The following WDR90 variants were observed in gnomAD, a reference collection of about 807,000 sequenced individuals.
WDR90 encodes the protein WD repeat domain 90, also known as WD repeat-containing protein 90.
In WDR90, 238 loss-of-function variants were observed where a neutral mutation model predicts 195.2. That is an observed-to-expected ratio of 1.22 (90% CI 1.10 to 1.36). WDR90 has a LOEUF of 1.36. Ranked by LOEUF, WDR90 falls within the 40% of genes most tolerant of loss-of-function variation. The pLI, the probability that WDR90 is intolerant of heterozygous loss-of-function variation, is 0.00. For synonymous variants in WDR90, 1,265 were observed against 1,052.4 expected, an observed-to-expected ratio of 1.20 and a Z score of -3.91; for missense variants, 2,734 against 2,439.5, an observed-to-expected ratio of 1.12 and a Z score of -2.54.
chr16:656,120 C>A, intron 17 of WDR90, 182 bp from the exon 18 acceptor site: 1 of 763,214 alleles, frequency 1.3e-6, no homozygotes, highest in Non-Finnish European at 2.1e-6. Context: ...TGAAGCCCCT[C>A]AGCCTGGGTC....
intron 34 of WDR90, chr16:665,325 C>A (rs78998808): frequency 8.6e-6 from 2 of 231,522 alleles, no homozygotes; most frequent in East Asian, 6.1e-4. Flanking sequence ...CCTCAGTCTG[C>A]AGCCTGCTAG....
intron 34 of WDR90, chr16:665,172 G>A (rs1436542088): frequency 1.2e-5 from 3 of 255,474 alleles, no homozygotes; most frequent in Non-Finnish European, 1.6e-5. Context: ...GCGTGCAGCG[G>A]TTTTGGGAGG....
chr16:650,876 G>C (rs975194122), intron 5 of WDR90, 119 bp from the exon 6 acceptor site: 1 of 1,485,036 alleles, frequency 6.7e-7, no homozygotes. Flanking sequence ...ACCCATCCCA[G>C]AGGCAGCCCT....
At position 661,341 on chromosome 16, in the gene WDR90, G is replaced by T; in HGVS notation, c.3514-1G>T. 6.3e-7 allele frequency: 1 copy of T among 1,594,234 alleles called. No individual in the cohort carries two copies. The highest frequency in any genetic ancestry group is 8.5e-7 in the Non-Finnish European group (1 of 1,170,522). On this transcript the variant is annotated splice_acceptor_variant, in intron 29 of 40. Coordinates refer to ENST00000293879, the MANE Select transcript of WDR90 (RefSeq NM_145294.5). LOFTEE classifies it high-confidence loss of function. ...CTCACGCCTGGCCTCTTGCCTGCCA[G>T]GTCCTGGCCTCTGCCTCGGGCCGAA...
chr16:658,648 CCCCAGGTGTG>C lies in WDR90; in HGVS notation c.2891_2895+5del. On this transcript the variant is annotated splice_donor_variant and splice_donor_5th_base_variant and coding_sequence_variant and intron_variant, in exon 23 of 41. Transcript: ENST00000293879. LOFTEE classifies it high-confidence loss of function. ...CTACGCCACACAGGCCAGCCCAGGC[CCCCAGGTGTG>C]TGCGTGGGGAGGCAGGTGGCTTTGG... The C allele has an allele frequency of 6.2e-7, 1 of 1,608,086 alleles. No homozygotes were observed. The highest frequency in any genetic ancestry group is 8.5e-7 in the Non-Finnish European group (1 of 1,176,432).
intron 28 of WDR90, 105 bp from the exon 29 acceptor site, chr16:660,942 GCCCC>G (rs2037885170): frequency 3.1e-6 from 1 of 318,492 alleles, no homozygotes. Flanking sequence ...CCTTGGCCCC[GCCCC>G]ACGGCTCGGC....
intron 34 of WDR90, 135 bp from the exon 35 acceptor site, chr16:665,544 T>G: frequency 1.4e-6 from 2 of 1,409,248 alleles, no homozygotes; most frequent in Non-Finnish European, 2.0e-6. Flanking sequence ...CTTTCCGCCA[T>G]GTGGAGTTGG....
At chr16:657,950 G>C in intron 21 of WDR90, 58 bp downstream of exon 21, 1 of 1,492,768 alleles carries the variant, frequency 6.7e-7, no homozygotes, top group South Asian at 1.3e-5. Context: ...CTGGCTGCAG[G>C]GGCAGGAGGG....
chr16:664,491 G>T (rs896188264), intron 34 of WDR90, among the ~76,000 whole-genome samples: 3 of 152,188 alleles, frequency 2.0e-5, no homozygotes, highest in Non-Finnish European at 4.4e-5. Context: ...ACCTGAGCCC[G>T]TGGTCACTGG....
Position 651,554 on chromosome 16 carries a change from C to T in WDR90, c.737-90C>T. On this transcript the variant is annotated intron_variant, in intron 7 of 40. Transcript: ENST00000293879. ...GTCCTGCAGAGCCGGTGAGGCTGGG[C>T]CACTTGCTGCTGCCCTCCCCAGGCG... The T allele has an allele frequency of 8.4e-6, 11 of 1,302,586 alleles. No homozygotes were observed. In the South Asian group the frequency reaches 1.3e-4, roughly 15 times the overall value. The allele number at this position is 1,302,586 out of a possible 1,614,324, so 80.7% of individuals were successfully genotyped here. A position where few individuals can be genotyped will look rare whatever the true frequency, so the allele number is the denominator to read the frequency against.
chr16:665,938 G>A lies in WDR90; in HGVS notation c.4435-12G>A, dbSNP rs2038016784. The stretch of plus-strand genomic sequence containing the variant: ...CTGTGAGTGCTGAAGTTTCCCCACT[G>A]TGGGTCCCCAGAGCTGCCTCTGCCT... On this transcript the variant is annotated splice_polypyrimidine_tract_variant and intron_variant, in intron 35 of 40. Coordinates refer to ENST00000293879, the MANE Select transcript of WDR90 (RefSeq NM_145294.5). 3 of 1,576,518 alleles carry A rather than the reference G, an allele frequency of 1.9e-6. No individual in the cohort carries two copies. Among genetic ancestry groups the A allele is most frequent in the South Asian group, 1.1e-5 (1 of 87,994 alleles).
Position 665,607 on chromosome 16 carries a change from A to G in WDR90, c.4312-72A>G, listed in dbSNP as rs752083049. The stretch of plus-strand genomic sequence containing the variant: ...TGGACAGCCCGGCCCTGGGGGCTGG[A>G]ATAGGAAATGCCTGCGTCCCTTTAC... On this transcript the variant is annotated intron_variant, in intron 34 of 40. Coordinates refer to ENST00000293879, the MANE Select transcript of WDR90 (RefSeq NM_145294.5). 2.5e-6 allele frequency: 4 copies of G among 1,608,062 alleles called. No individual in the cohort carries two copies. In the African/African-American group the frequency reaches 5.3e-5, roughly 21 times the overall value.
At chr16:657,741 C>T (rs746274779) in intron 20 of WDR90, 21 bp from the exon 21 acceptor site, 89 of 1,537,904 alleles carry the variant, frequency 5.8e-5, no homozygotes, top group East Asian at 2.5e-5. Flanking sequence ...CCCAGCTGAC[C>T]CCTGCCCCGT....
intron 20 of WDR90, 63 bp from the exon 21 acceptor site, chr16:657,699 G>A (rs2037789909): frequency 8.8e-6 from 13 of 1,469,164 alleles, no homozygotes; most frequent in Middle Eastern, 4.7e-4. Flanking sequence ...GGCCTCCTCG[G>A]GCCCTGGCCA....
intron 30 of WDR90, 21 bp downstream of exon 30, chr16:661,522 A>G (rs2037913319): frequency 6.3e-7 from 1 of 1,579,806 alleles, no homozygotes; most frequent in Admixed American, 1.7e-5. Context: ...GGGAGGGTGG[A>G]GGCCAGGGGC....
At position 661,951 on chromosome 16, in the gene WDR90, G is replaced by A. The variant is rs1279147464; in HGVS notation, c.3925G>A (p.Gly1309Arg). 6.2e-6 allele frequency: 10 copies of A among 1,607,856 alleles called. No homozygotes were observed. Among genetic ancestry groups the A allele is most frequent in the South Asian group, 2.2e-5 (2 of 91,088 alleles). ...TGGAGAGCTGACCTCGCTCTGCTAC[G>A]GGGCACCTCCCCTGCTCTATTGTGG... is the stretch of plus-strand genomic sequence containing the variant. ...GAGELTSLCY[G>R]APPLLYCGTS... Residue 1309 changes from glycine (G) to arginine (R), a missense_variant, in exon 32 of 41, where the codon GGG (glycine) becomes AGG (arginine). Coordinates refer to ENST00000293879, the MANE Select transcript of WDR90 (RefSeq NM_145294.5).
In WDR90 at chr16:665,683, A is replaced by C; in HGVS notation, c.4316A>C (p.Asn1439Thr). Residue 1439 changes from asparagine (N) to threonine (T), a missense_variant, in exon 35 of 41, where the codon AAC becomes ACC. Transcript: ENST00000293879. Reference sequence around the variant, plus strand: ...CCTAGCTACGGCTTCCCCCAGGTGAACGAGGTGGTCTTCAGCCCCGGGGAG... The same window carrying C: ...CCTAGCTACGGCTTCCCCCAGGTGACCGAGGTGGTCTTCAGCCCCGGGGAG... ...RLISGHRSKV[N>T]EVVFSPGESH... 6.2e-7 allele frequency: 1 copy of C among 1,612,662 alleles called. No homozygotes were observed. Among genetic ancestry groups the C allele is most frequent in the African/African-American group, 1.3e-5 (1 of 75,080 alleles).
chr16:649,837 G>A lies in WDR90; in HGVS notation c.85G>A (p.Asp29Asn), dbSNP rs959183136. 5 of 1,582,618 alleles carry A rather than the reference G, an allele frequency of 3.2e-6. No individual in the cohort carries two copies. The highest frequency in any genetic ancestry group is 1.1e-5 in the South Asian group (1 of 87,944). Residue 29 changes from aspartate (D) to asparagine (N), a missense_variant, in exon 2 of 41, where the codon GAC becomes AAC. Asp to Asn is a conservative substitution (Grantham distance 23). Coordinates refer to ENST00000293879, the MANE Select transcript of WDR90 (RefSeq NM_145294.5). ...DEWKRSAKQGDVAVVTDKTLK... is the reference protein window; with the variant it reads ...DEWKRSAKQGNVAVVTDKTLK... ...GTGGAAGCGCTCCGCCAAGCAGGGG[G>A]ACGTGGCCGTGGTCACGGTAGGCGG...
chr16:664,007 G>C (rs746696195), intron 34 of WDR90, among the ~76,000 whole-genome samples: 12 of 152,210 alleles, frequency 7.9e-5, no homozygotes, highest in Non-Finnish European at 1.5e-4. Flanking sequence ...TGTTTCTTTA[G>C]AAACCTGTCT....
Sources: gnomAD v4.1 joint callset for allele counts (sites outside exome capture counted in the v4.1 genomes callset) on GRCh38, gnomAD v4.1.1 for gene constraint, MANE v1.5 for transcripts, NCBI Gene and HGNC (gene_info 2026-07-23, HGNC 2026-07-21) for gene names.